The following MYO19 variants were observed in gnomAD, a reference collection of about 807,000 sequenced individuals.
The protein encoded by MYO19 is unconventional myosin-XIX.
Under a neutral mutation model 129.2 loss-of-function variants are expected in MYO19, and 132 were observed. That is an observed-to-expected ratio of 1.02 (90% CI 0.89 to 1.18). The LOEUF (loss-of-function observed/expected upper bound fraction) is 1.18. Among genes scored for constraint, MYO19 ranks in the 50% most tolerant of loss-of-function variants. The pLI is 0.00. For missense variants in MYO19, 1,210 were observed against 1,216.7 expected, an observed-to-expected ratio of 0.99 and a Z score of 0.08; for synonymous variants, 531 against 477.2, an observed-to-expected ratio of 1.11 and a Z score of -1.47.
chr17:36,501,400 CCT>C, intron 21 of MYO19, 165 bp from the exon 22 acceptor site: 3 of 716,190 alleles, frequency 4.2e-6, no homozygotes, highest in Non-Finnish European at 6.7e-6. Context: ...CCACAAACAG[CCT>C]CTCTGTTGTC....
intron 12 of MYO19, 25 bp downstream of exon 12, chr17:36,511,340 C>T: frequency 1.9e-6 from 3 of 1,559,252 alleles, no homozygotes; most frequent in Non-Finnish European, 2.6e-6. Context: ...ACAGGGCCTG[C>T]CCCATCCTAC....
rs2070933222 is a variant in MYO19, at chr17:36,495,992, T to C, written c.*259A>G. The C allele has an allele frequency of 1.3e-6, 1 of 796,684 alleles. No homozygotes were observed. Among genetic ancestry groups the C allele is most frequent in the Non-Finnish European group, 1.8e-6 (1 of 559,302 alleles). 49.4% of individuals were successfully genotyped at this position (796,684 alleles called of 1,614,324 possible). ...TGCTGCTGAGTTTGATCTGTGAAGG[T>C]AGTGAAATGTGGCCCTGATGTTTCT... On this transcript the variant is annotated 3_prime_UTR_variant, in exon 26 of 26. Transcript: ENST00000614623.
chr17:36,537,148 G>T, upstream of MYO19: 1 of 1,612,282 alleles, frequency 6.2e-7, no homozygotes, highest in Non-Finnish European at 8.5e-7. Context: ...AACCTCAATG[G>T]AACCACCGTG....
intron 6 of MYO19, among the ~76,000 whole-genome samples, chr17:36,524,717 T>C (rs1381621029): frequency 6.6e-6 from 1 of 152,218 alleles, no homozygotes; most frequent in East Asian, 1.9e-4. Flanking sequence ...CCAGCTACTT[T>C]GGAGGAGCAC....
intron 6 of MYO19, among the ~76,000 whole-genome samples, chr17:36,521,948 T>C (rs1311945139): frequency 6.7e-6 from 1 of 149,746 alleles, no homozygotes; most frequent in East Asian, 2.0e-4. Context: ...GGAGAATTGC[T>C]TGAACCCGGG....
At chr17:36,529,196 G>A (rs921031234) in intron 3 of MYO19, among the ~76,000 whole-genome samples, 1 of 151,286 alleles carries the variant, frequency 6.6e-6, no homozygotes, top group African/African-American at 2.4e-5. Context: ...GTCTTGCTCT[G>A]CTACCCAGGC....
chr17:36,507,997 G>A lies in MYO19; in HGVS notation c.1232-73C>T, dbSNP rs914911149. 3.4e-6 allele frequency: 5 copies of A among 1,482,366 alleles called. No individual in the cohort carries two copies. The African/African-American group carries it at 4.2e-5, about 12-fold the overall frequency. 91.8% of individuals were successfully genotyped at this position (1,482,366 alleles called of 1,614,324 possible). Reference sequence around the variant, plus strand: ...GGGAATAGGGGACCAAGGAACCCAGGGTGGCTGGGCCCCTGCCAATGCCTT... The same window carrying A: ...GGGAATAGGGGACCAAGGAACCCAGAGTGGCTGGGCCCCTGCCAATGCCTT... On this transcript the variant is annotated intron_variant, in intron 14 of 25. Coordinates refer to ENST00000614623, the MANE Select transcript of MYO19 (RefSeq NM_001163735.2).
chr17:36,496,088 T>C lies in MYO19; in HGVS notation c.*163A>G. The stretch of plus-strand genomic sequence containing the variant: ...ATGTAGCCTGGAACCCCAGGCCCAC[T>C]GACGCACTGGGCACGGGGCTCTGGG... On this transcript the variant is annotated 3_prime_UTR_variant, in exon 26 of 26. Coordinates refer to ENST00000614623, the MANE Select transcript of MYO19 (RefSeq NM_001163735.2). The C allele has an allele frequency of 1.0e-6, 1 of 992,052 alleles. No individual in the cohort carries two copies. The highest frequency in any genetic ancestry group is 1.5e-6 in the Non-Finnish European group (1 of 678,152). The allele number at this position is 992,052 out of a possible 1,614,324, so 61.5% of individuals were successfully genotyped here. A position where few individuals can be genotyped will look rare whatever the true frequency, so the allele number is the denominator to read the frequency against.
At chr17:36,537,824 C>A (rs764733103), upstream of MYO19, 3 of 1,613,870 alleles carry the variant, frequency 1.9e-6, no homozygotes, top group African/African-American at 1.3e-5. Flanking sequence ...TTTTCTTTAC[C>A]ATAATAGTTG....
intron 2 of MYO19, among the ~76,000 whole-genome samples, chr17:36,540,505 G>C (rs2074191754): frequency 6.6e-6 from 1 of 151,964 alleles, no homozygotes; most frequent in South Asian, 2.1e-4. Flanking sequence ...CGAGGAGCTG[G>C]GATTACAGGC....
At chr17:36,526,164 G>T (rs1198283591) in intron 5 of MYO19, among the ~76,000 whole-genome samples, 2 of 152,128 alleles carry the variant, frequency 1.3e-5, no homozygotes, top group African/African-American at 4.8e-5. Context: ...GGGATACAAA[G>T]CCTCCAACTG....
upstream of MYO19, chr17:36,534,893 A>C (rs1427567443): frequency 1.3e-5 from 2 of 152,270 alleles, no homozygotes; most frequent in African/African-American, 4.8e-5. Flanking sequence ...TGCAGTGAGG[A>C]AAGGAACCTG....
intron 21 of MYO19, chr17:36,501,719 G>A (rs2071543705): frequency 6.5e-6 from 1 of 154,158 alleles, no homozygotes; most frequent in Admixed American, 6.5e-5. Context: ...CTTAGTTTGG[G>A]AATCTTCTAC....
Position 36,506,455 on chromosome 17 carries a change from C to T in MYO19, c.1797+1G>A, listed in dbSNP as rs2071892303. ...ACCTCCCATCAGCACATCAGACCCACCTTGAACTTGGACACCACGGTCAAC... is the reference window on the plus strand; with the variant it reads ...ACCTCCCATCAGCACATCAGACCCATCTTGAACTTGGACACCACGGTCAAC... On this transcript the variant is annotated splice_donor_variant, in intron 18 of 25. Coordinates refer to ENST00000614623, the MANE Select transcript of MYO19 (RefSeq NM_001163735.2). LOFTEE classifies it high-confidence loss of function. 2 of 1,613,768 alleles carry T rather than the reference C, an allele frequency of 1.2e-6. No homozygotes were observed. The highest frequency in any genetic ancestry group is 1.7e-5 in the Admixed American group (1 of 59,982).
At chr17:36,529,092 C>T (rs185892111) in intron 3 of MYO19, among the ~76,000 whole-genome samples, 21 of 152,020 alleles carry the variant, frequency 1.4e-4, no homozygotes, top group Admixed American at 7.9e-4. Context: ...CTGGCTCAGA[C>T]GGCTGTCTGA....
chr17:36,523,024 C>CAA (rs549906768), intron 6 of MYO19, among the ~76,000 whole-genome samples: 1 of 111,140 alleles, frequency 9.0e-6, no homozygotes. Context: ...AAACAAAAAA[C>CAA]AAAAAAAAAA....
chr17:36,498,865 T>C (rs1187098372), intron 24 of MYO19: 1 of 590,548 alleles, frequency 1.7e-6, no homozygotes, highest in Non-Finnish European at 3.0e-6. Flanking sequence ...ATTCCCAGAG[T>C]TGCTTATACC....
At chr17:36,527,507 G>C in intron 5 of MYO19, 44 bp downstream of exon 5, 1 of 1,595,004 alleles carries the variant, frequency 6.3e-7, no homozygotes, top group Non-Finnish European at 8.5e-7. Context: ...GGTTTAGCGG[G>C]AGGTAGAGGA....
rs1567739907 is a variant in MYO19 at position 36,505,350 on chromosome 17, G to GA, written c.1851dup (p.Arg618SerfsTer77). On this transcript the variant is annotated frameshift_variant, in exon 19 of 26. Transcript: ENST00000614623. LOFTEE classifies it high-confidence loss of function. ...CCCTGGCTGTTGGGCTTGATGCAGCGAATGTAGTGGGGCGTGGTGCTGTGT... is the reference window on the plus strand; with the variant it reads ...CCCTGGCTGTTGGGCTTGATGCAGCGAAATGTAGTGGGGCGTGGTGCTGTGT... 6.2e-7 allele frequency: 1 copy of GA among 1,614,226 alleles called. No homozygotes were observed. The highest frequency in any genetic ancestry group is 2.2e-5 in the East Asian group (1 of 44,890).
Sources: allele counts gnomAD v4.1 joint callset (sites outside exome capture counted in the v4.1 genomes callset), GRCh38; gene constraint gnomAD v4.1.1; transcripts MANE v1.5; gene names NCBI Gene and HGNC (gene_info 2026-07-23, HGNC 2026-07-21).